Variants in TRAK1 observed in about 807,000 individuals in gnomAD.
TRAK1 encodes trafficking kinesin-binding protein 1.
TRAK1 carries 33 observed loss-of-function variants against 92.1 expected under a neutral mutation model. The ratio of observed to expected loss-of-function variants is 0.36; its 90% confidence interval spans 0.27 to 0.48. The LOEUF (loss-of-function observed/expected upper bound fraction) is 0.48. Among genes scored for constraint, TRAK1 ranks in the 20% least tolerant of loss-of-function variants. TRAK1 has a pLI of 0.99. For synonymous variants in TRAK1, 521 were observed against 517.3 expected (o/e 1.01, Z -0.10); for missense variants, 1,123 against 1,257.9 (o/e 0.89, Z 1.62).
rs1710570875 is a variant in TRAK1, at chr3:42,223,643, T to C, written c.2768T>C (p.Met923Thr). The C allele has an allele frequency of 6.2e-7, 1 of 1,613,938 alleles. No individual in the cohort carries two copies. ...CGGCGGAATCGCAGCTTCCCCACCA[T>C]GGTGGGATCTAGCATGCAGATGAAA... The part of the protein sequence containing the change: ...GIRRNRSFPT[M>T]VGSSMQMKAP... Residue 923 changes from methionine to threonine, a missense_variant, in exon 16 of 16, where the codon ATG becomes ACG. Met to Thr is a moderately conservative substitution (Grantham distance 81). Around this residue, in one of 3 missense-constraint regions of TRAK1, gnomAD observed 401 missense variants for 438.9 expected, o/e 0.91. Coordinates refer to ENST00000327628, the MANE Select transcript of TRAK1 (RefSeq NM_001042646.3). This position sits in a 1 kb window ranked among gnomAD's most constrained non-coding sequence, Gnocchi z 6.1.
At chr3:42,084,064 G>A (rs1399944943), upstream of TRAK1, among the ~76,000 whole-genome samples, 2 of 151,718 alleles carry the variant, frequency 1.3e-5, no homozygotes, top group Non-Finnish European at 2.9e-5. Context: ...TTTTGTCTGG[G>A]TCTTGGTGTA....
upstream of TRAK1, among the ~76,000 whole-genome samples, chr3:42,089,474 G>A (rs1463436299): frequency 6.6e-6 from 1 of 152,120 alleles, no homozygotes; most frequent in Non-Finnish European, 1.5e-5. Flanking sequence ...GTAAGGAAGG[G>A]GCTGAATGAC....
chr3:42,223,921 T>C lies in TRAK1; in HGVS notation c.*184T>C, dbSNP rs1710598377. On this transcript the variant is annotated 3_prime_UTR_variant, in exon 16 of 16. Transcript: ENST00000327628. The surrounding 1 kb of genome is among the most constrained non-coding windows in gnomAD (Gnocchi z 6.1). ...GTGGAAACTTTGTAAAATGTGTACA[T>C]AGGACTTGGAGACCTTGTGTCCGCC... is the stretch of plus-strand genomic sequence containing the variant. 2 of 724,040 alleles carry C rather than the reference T, an allele frequency of 2.8e-6. No individual in the cohort carries two copies. The highest frequency in any genetic ancestry group is 1.8e-5 in the African/African-American group (1 of 55,842). The allele number at this position is 724,040 out of a possible 1,614,324, so 44.9% of individuals were successfully genotyped here.
At chr3:42,210,563 G>A (rs1708908460) in intron 14 of TRAK1, 1 of 1,098,762 alleles carries the variant, frequency 9.1e-7, no homozygotes, top group Non-Finnish European at 1.1e-6. Context: ...TGAGTGCTGG[G>A]TCATTCAGAA....
rs114345698 is a variant in TRAK1 at position 42,191,647 on chromosome 3, G to A, written c.769+11G>A. ...GCGTGAAGGAGCTGAGTATGTCCCCGCACTGCTGTCTTCTTACTTCCTTGC... is the reference window on the plus strand; with the variant it reads ...GCGTGAAGGAGCTGAGTATGTCCCCACACTGCTGTCTTCTTACTTCCTTGC... On this transcript the variant is annotated intron_variant, in intron 7 of 15. Coordinates refer to ENST00000327628, the MANE Select transcript of TRAK1 (RefSeq NM_001042646.3). 1,931 of 1,589,914 alleles carry A rather than the reference G, an allele frequency of 1.2e-3. 27 individuals are homozygous for A. The African/African-American group carries it at 0.021, about 17-fold the overall frequency.
intron 1 of TRAK1, among the ~76,000 whole-genome samples, chr3:42,110,793 T>A (rs911421995): frequency 3.3e-5 from 5 of 152,214 alleles, no homozygotes; most frequent in African/African-American, 1.2e-4. Context: ...TCAGTGAAGG[T>A]CCTGGCCGCT....
At chr3:42,189,755 TC>T (rs1312200131) in intron 6 of TRAK1, among the ~76,000 whole-genome samples, 1 of 152,184 alleles carries the variant, frequency 6.6e-6, no homozygotes, top group Non-Finnish European at 1.5e-5. Flanking sequence ...GGTCTTGAAC[TC>T]CTGACCTCAG....
At chr3:42,222,844 T>G in intron 15 of TRAK1, 98 bp from the exon 16 acceptor site, 1 of 1,322,456 alleles carries the variant, frequency 7.6e-7, no homozygotes, top group South Asian at 1.3e-5. Flanking sequence ...CATCGTGTCC[T>G]GGGTCGTCCC....
intron 1 of TRAK1, among the ~76,000 whole-genome samples, chr3:42,066,530 C>T (rs1703688525): frequency 7.0e-6 from 1 of 142,982 alleles, no homozygotes; most frequent in Non-Finnish European, 1.5e-5. Flanking sequence ...AGAAGTGGGA[C>T]CTTCCGCCGT....
At chr3:42,107,974 C>T (rs940467343) in intron 1 of TRAK1, among the ~76,000 whole-genome samples, 1 of 151,694 alleles carries the variant, frequency 6.6e-6, no homozygotes, top group African/African-American at 2.4e-5. Flanking sequence ...AAGCTCCAGC[C>T]ATCATGTCTG....
rs369756184 is a variant in TRAK1 at position 42,109,998 on chromosome 3, A to G, written c.92-15422A>G. On this transcript the variant is annotated intron_variant, in intron 1 of 15. Transcript: ENST00000327628. ...GATGGCATTAGGAGATATACCTAAT[A>G]TAAATGATGAGTTAATGGGTGCAGC... Among the ~76,000 whole-genome samples the G allele has an allele frequency of 5.3e-4, 80 of 150,084 alleles. 1 individual carries two copies. Among genetic ancestry groups the G allele is most frequent in the East Asian group, 1.2e-3 (6 of 5,116 alleles).
chr3:42,109,102 C>G (rs533522587), intron 1 of TRAK1, among the ~76,000 whole-genome samples: 1 of 152,206 alleles, frequency 6.6e-6, no homozygotes, highest in South Asian at 2.1e-4. Context: ...TGATGTGGGT[C>G]TAGGTATTCA....
chr3:42,165,548 G>A (rs1036706288), intron 2 of TRAK1, among the ~76,000 whole-genome samples: 6 of 152,188 alleles, frequency 3.9e-5, no homozygotes, highest in Non-Finnish European at 8.8e-5. Context: ...GGATCCAGGA[G>A]TGCCGTGTCT....
intron 13 of TRAK1, among the ~76,000 whole-genome samples, chr3:42,207,007 T>C (rs1365593172): frequency 6.6e-6 from 1 of 152,152 alleles, no homozygotes; most frequent in African/African-American, 2.4e-5. Context: ...ATTGTAAACA[T>C]CTCAGACCCC....
chr3:42,220,683 G>A, intron 15 of TRAK1: 1 of 827,842 alleles, frequency 1.2e-6, no homozygotes, highest in Non-Finnish European at 1.5e-6. Flanking sequence ...GGGGACTTAG[G>A]CTTGGATGTG....
chr3:42,200,625 A>C (rs1553608347), intron 11 of TRAK1, among the ~76,000 whole-genome samples, 193 bp from the exon 12 acceptor site: 1 of 152,180 alleles, frequency 6.6e-6, no homozygotes, highest in Non-Finnish European at 1.5e-5. Flanking sequence ...TGGGTGTTGA[A>C]TCTCTCAAAT....
rs1707808798 is a variant in TRAK1 at position 42,202,766 on chromosome 3, G to A, written c.1744+14G>A. On this transcript the variant is annotated intron_variant, in intron 13 of 15. Transcript: ENST00000327628. This position sits in a 1 kb window ranked among gnomAD's most constrained non-coding sequence, Gnocchi z 6.1. The stretch of plus-strand genomic sequence containing the variant: ...AGCCGCTGGAAGGTGATCACGCGGG[G>A]CCTCGGCCCCTCTCTGTCCTCCTGG... 2 of 1,612,832 alleles carry A rather than the reference G, an allele frequency of 1.2e-6. No homozygotes were observed. Among genetic ancestry groups the A allele is most frequent in the African/African-American group, 1.3e-5 (1 of 74,928 alleles).
chr3:42,079,670 G>GTA (rs1704341530), intron 1 of TRAK1, among the ~76,000 whole-genome samples: 1 of 151,862 alleles, frequency 6.6e-6, no homozygotes, highest in South Asian at 2.1e-4. Context: ...TAGTAGAGAT[G>GTA]GGGTTTTGCC....
intron 2 of TRAK1, among the ~76,000 whole-genome samples, chr3:42,170,875 G>A (rs925504566): frequency 4.0e-5 from 6 of 150,876 alleles, no homozygotes; most frequent in African/African-American, 1.5e-4. Flanking sequence ...CCAGGCTGGA[G>A]TGCAGTGGCA....
Sources: allele counts gnomAD v4.1 joint callset (sites outside exome capture counted in the v4.1 genomes callset), GRCh38; gene constraint gnomAD v4.1.1; regional missense constraint gnomAD v4.1.1; non-coding constraint Gnocchi (gnomAD v3.1); transcripts MANE v1.5; gene names NCBI Gene and HGNC (gene_info 2026-07-23, HGNC 2026-07-21).